The following MNT variants were observed in gnomAD, a reference collection of about 807,000 sequenced individuals.
MNT encodes the protein MAX network transcriptional repressor.
MNT carries 13 observed loss-of-function variants against 40.7 expected under a neutral mutation model. That is an observed-to-expected ratio of 0.32 (90% CI 0.21 to 0.51). The LOEUF (loss-of-function observed/expected upper bound fraction) is 0.51. Among genes scored for constraint, MNT ranks in the 20% least tolerant of loss-of-function variants. The probability of loss-of-function intolerance (pLI) is 0.98; values close to 1 mark genes in which losing one functional copy is unlikely to be tolerated. For synonymous variants in MNT, 426 were observed against 354.8 expected, an observed-to-expected ratio of 1.20 and a Z score of -2.26; for missense variants, 757 against 792.0, an observed-to-expected ratio of 0.96 and a Z score of 0.53.
rs1465001006 is a variant in MNT, at chr17:2,394,067, C to A, written c.783G>T (p.Leu261=). The change falls in exon 4 of 6, where the codon CTG becomes CTT. Residue 261 remains leucine, a synonymous_variant. Coordinates refer to ENST00000174618, the MANE Select transcript of MNT (RefSeq NM_020310.3). Reference sequence around the variant, plus strand: ...CCTGGATGTACCGCAGCGCCGTCCGCAGCACGCTCAGATTGGACGTCTTCT... The same window carrying A: ...CCTGGATGTACCGCAGCGCCGTCCGAAGCACGCTCAGATTGGACGTCTTCT... ...DDKKTSNLSV[L]RTALRYIQSL... 6.2e-7 allele frequency: 1 copy of A among 1,606,318 alleles called. No homozygotes were observed.
rs1034113744 is a variant in MNT, at chr17:2,395,345, C to T, written c.183G>A (p.Glu61=). 1.2e-6 allele frequency: 2 copies of T among 1,612,628 alleles called. No individual in the cohort carries two copies. Among genetic ancestry groups the T allele is most frequent in the Non-Finnish European group, 8.5e-7 (1 of 1,179,640 alleles). The change falls in exon 2 of 6, where the codon GAG becomes GAA. Residue 61 remains glutamate, a synonymous_variant. Transcript: ENST00000174618. ...HTLPVEEPRM[E]APPLPLSPPA... is the part of the protein sequence containing the mutation. ...GTGGAGACAGAGGCAGGGGTGGCGC[C>T]TCCATGCGGGGTTCCTCCACAGGAA...
At position 2,386,796 on chromosome 17, in the gene MNT, G is replaced by A; in HGVS notation, c.*105C>T. 8.1e-7 allele frequency: 1 copy of A among 1,241,736 alleles called. No homozygotes were observed. Among genetic ancestry groups the A allele is most frequent in the South Asian group, 1.8e-5 (1 of 56,064 alleles). 76.9% of individuals were successfully genotyped at this position (1,241,736 alleles called of 1,614,324 possible). A position where few individuals can be genotyped will look rare whatever the true frequency, so the allele number is the denominator to read the frequency against. The stretch of plus-strand genomic sequence containing the variant: ...CCTAGGAGGCCTGGGGGTGGGTGGG[G>A]GGGCTGGCCTGGGCCTGGCTGGAAT... On this transcript the variant is annotated 3_prime_UTR_variant, in exon 6 of 6. Transcript: ENST00000174618.
chr17:2,395,763 T>G lies in MNT; in HGVS notation c.74-309A>C, dbSNP rs2066573668. Among the ~76,000 whole-genome samples, 3 of 151,642 alleles carry G rather than the reference T, an allele frequency of 2.0e-5. No homozygotes were observed. In the South Asian group the frequency reaches 6.2e-4, roughly 32 times the overall value. On this transcript the variant is annotated intron_variant, in intron 1 of 5. Coordinates refer to ENST00000174618, the MANE Select transcript of MNT (RefSeq NM_020310.3). The stretch of plus-strand genomic sequence containing the variant: ...GCCCTGGAAAGGTGGAGCAGAGCTG[T>G]CAGAGGGTGCTGCAGGCCACCTGCC...
Position 2,386,632 on chromosome 17 carries a change from CGGCACTGGAGCT to C in MNT, c.*257_*268del, listed in dbSNP as rs2074749982. 2.4e-6 allele frequency: 1 copy of C among 415,566 alleles called. No homozygotes were observed. The highest frequency in any genetic ancestry group is 4.3e-6 in the Non-Finnish European group (1 of 234,262). The allele number at this position is 415,566 out of a possible 1,614,324, so 25.7% of individuals were successfully genotyped here. On this transcript the variant is annotated 3_prime_UTR_variant, in exon 6 of 6. Coordinates refer to ENST00000174618, the MANE Select transcript of MNT (RefSeq NM_020310.3). ...CGAGGGTAGGGAGGGGAAGCAGGAGCGGCACTGGAGCTGGCACTGGGCCGGACAGGTGGCACA... is the reference window on the plus strand; with the variant it reads ...CGAGGGTAGGGAGGGGAAGCAGGAGCGGCACTGGGCCGGACAGGTGGCACA...
intron 1 of MNT, among the ~76,000 whole-genome samples, chr17:2,398,633 T>TG (rs1216279389): frequency 6.6e-6 from 1 of 152,248 alleles, no homozygotes; most frequent in Admixed American, 6.5e-5. Flanking sequence ...CAAAGACCTC[T>TG]GACCGGCACA....
chr17:2,384,593 C>CGTGTGTGTGT lies in MNT; in HGVS notation c.*2307_*2308insACACACACAC. On this transcript the variant is annotated 3_prime_UTR_variant, in exon 6 of 6. Coordinates refer to ENST00000174618, the MANE Select transcript of MNT (RefSeq NM_020310.3). ...ATGAGAGGTAAGATGTGTGCGTGTG[C>CGTGTGTGTGT]GTGCGTGTGTGTGTGTGTGTGTGTG... The CGTGTGTGTGT allele has an allele frequency of 1.0e-5, 1 of 100,472 alleles. No homozygotes were observed. The highest frequency in any genetic ancestry group is 4.2e-4 in the South Asian group (1 of 2,368). 6.2% of individuals were successfully genotyped at this position (100,472 alleles called of 1,614,324 possible).
chr17:2,394,277 G>GCACACACACACACACACACACACA lies in MNT; in HGVS notation c.695+4_695+27dup, dbSNP rs35367394. The GCACACACACACACACACACACACA allele has an allele frequency of 1.1e-4, 165 of 1,489,262 alleles. 1 individual carries two copies. The African/African-American group carries it at 1.8e-3, about 16-fold the overall frequency. The allele number at this position is 1,489,262 out of a possible 1,614,324, so 92.3% of individuals were successfully genotyped here. A position where few individuals can be genotyped will look rare whatever the true frequency, so the allele number is the denominator to read the frequency against. On this transcript the variant is annotated intron_variant, in intron 3 of 5. Coordinates refer to ENST00000174618, the MANE Select transcript of MNT (RefSeq NM_020310.3). ...CCGGGTCGCGCGCGCACGCACGCAC[G>GCACACACACACACACACACACACA]CACACACACACACACACACACACAC... is the stretch of plus-strand genomic sequence containing the variant.
In MNT at chr17:2,386,599, C is replaced by T; in HGVS notation, c.*302G>A. 2.6e-6 allele frequency: 1 copy of T among 378,246 alleles called. No individual in the cohort carries two copies. The highest frequency in any genetic ancestry group is 7.5e-5 in the South Asian group (1 of 13,422). 23.4% of individuals were successfully genotyped at this position (378,246 alleles called of 1,614,324 possible). The stretch of plus-strand genomic sequence containing the variant: ...CAGGGAGCGTGACGTCCACATCGCA[C>T]TGATTTCCGAGGGTAGGGAGGGGAA... On this transcript the variant is annotated 3_prime_UTR_variant, in exon 6 of 6. Coordinates refer to ENST00000174618, the MANE Select transcript of MNT (RefSeq NM_020310.3).
Position 2,394,304 on chromosome 17 carries a change from C to CACA in MNT, c.695_695+1insTGT (p.Arg232delinsSerVal), listed in dbSNP as rs58552657. The CACA allele has an allele frequency of 3.1e-6, 5 of 1,610,426 alleles. No individual in the cohort carries two copies. Among genetic ancestry groups the CACA allele is most frequent in the East Asian group, 2.2e-5 (1 of 44,744 alleles). On this transcript the variant is annotated protein_altering_variant and splice_region_variant. Transcript: ENST00000174618. ...ACACACACACACACACACACACACACCTGTTCTTCTCCAATTTGTTGTGGA... is the reference window on the plus strand; with the variant it reads ...ACACACACACACACACACACACACACACACTGTTCTTCTCCAATTTGTTGTGGA...
At chr17:2,393,973 CGCGGCCGGGGGAGGG>C in intron 4 of MNT, 55 bp downstream of exon 4, 5 of 1,086,628 alleles carry the variant, frequency 4.6e-6, no homozygotes, top group Non-Finnish European at 6.3e-6. Flanking sequence ...CGGGGCGGGG[CGCGGCCGGGGGAGGG>C]GCGGCGGAGG....
At position 2,387,544 on chromosome 17, in the gene MNT, G is replaced by T; in HGVS notation, c.1106C>A (p.Pro369Gln). The T allele has an allele frequency of 6.2e-7, 1 of 1,613,852 alleles. No individual in the cohort carries two copies. Among genetic ancestry groups the T allele is most frequent in the Non-Finnish European group, 8.5e-7 (1 of 1,179,934 alleles). ...PQPELLKSTLPPPSTTPAPLP... is the reference protein window; with the variant it reads ...PQPELLKSTLQPPSTTPAPLP... ...AGGCGCAGGGGTGGTGCTGGGGGGT[G>T]GCAGGGTGGACTTCAGCAGCTCCGG... Residue 369 changes from proline to glutamine, a missense_variant, in exon 6 of 6, where the codon CCA becomes CAA. Around this residue, in one of 4 missense-constraint regions of MNT, gnomAD observed 345 missense variants for 380.1 expected, o/e 0.91. Coordinates refer to ENST00000174618, the MANE Select transcript of MNT (RefSeq NM_020310.3).
chr17:2,393,144 C>CA (rs1264580524), intron 4 of MNT, among the ~76,000 whole-genome samples: 4 of 150,578 alleles, frequency 2.7e-5, no homozygotes, highest in Non-Finnish European at 4.5e-5. Flanking sequence ...CGCCCACCCC[C>CA]CCCCCAACGC....
intron 1 of MNT, among the ~76,000 whole-genome samples, chr17:2,397,125 A>AG (rs1158192294): frequency 6.6e-6 from 1 of 152,206 alleles, no homozygotes; most frequent in East Asian, 1.9e-4. Context: ...GGGCTGGGCC[A>AG]GCCAGCGGGC....
chr17:2,396,545 G>A (rs1404989667), intron 1 of MNT: 1 of 152,304 alleles, frequency 6.6e-6, no homozygotes, highest in Non-Finnish European at 1.5e-5. Context: ...AATGGGGGCT[G>A]AGCAGGGCAG....
chr17:2,395,220 G>T lies in MNT; in HGVS notation c.308C>A (p.Pro103Gln). ...VVTNSPQPLPPPPPLPAAAQP... is the reference protein window; with the variant it reads ...VVTNSPQPLPQPPPLPAAAQP... ...GGCTGCCGCGGGCAAGGGTGGGGGT[G>T]GGGGTAGAGGCTGAGGGGAGTTGGT... The change falls in exon 2 of 6, where the codon CCA becomes CAA. Residue 103 changes from proline to glutamine, a missense_variant. By Grantham distance (76) the Pro-to-Gln change is moderately conservative (BLOSUM62 -1). Around this residue, in one of 4 missense-constraint regions of MNT, gnomAD observed 335 missense variants for 291.4 expected, o/e 1.15. Transcript: ENST00000174618. 1 of 1,475,562 alleles carries T rather than the reference G, an allele frequency of 6.8e-7. No homozygotes were observed. Among genetic ancestry groups the T allele is most frequent in the East Asian group, 2.4e-5 (1 of 41,926 alleles). The allele number at this position is 1,475,562 out of a possible 1,614,324, so 91.4% of individuals were successfully genotyped here.
chr17:2,394,933 G>A lies in MNT; in HGVS notation c.595C>T (p.Leu199=). The change falls in exon 2 of 6, where the codon CTG becomes TTG. Residue 199 remains leucine (L), a synonymous_variant. Coordinates refer to ENST00000174618, the MANE Select transcript of MNT (RefSeq NM_020310.3). ...QQPPPPTLGT[L]KLAPAEEVKS... ...ACTTCTTCAGCTGGTGCCAACTTCA[G>A]GGTCCCCAGCGTGGGTGGGGGCGGC... The A allele has an allele frequency of 6.2e-7, 1 of 1,607,586 alleles. No homozygotes were observed.
At chr17:2,393,173 C>T (rs1245364495) in intron 4 of MNT, among the ~76,000 whole-genome samples, 2 of 150,274 alleles carry the variant, frequency 1.3e-5, no homozygotes, top group Non-Finnish European at 3.0e-5. Flanking sequence ...AGCCCCACGT[C>T]CCTCCATCCC....
Position 2,387,209 on chromosome 17 carries a change from G to C in MNT, c.1441C>G (p.Leu481Val). ...CCAATGGGGGGTGTGGCAGGCGCCA[G>C]TTGCACCGCAGGGCTGGGGGCCGAG... Reference protein sequence around the residue: ...APSAPSPAVQLAPATPPIGHI... With the variant: ...APSAPSPAVQVAPATPPIGHI... The change falls in exon 6 of 6, where the codon CTG (leucine) becomes GTG (valine). Residue 481 changes from leucine (L) to valine (V), a missense_variant. Coordinates refer to ENST00000174618, the MANE Select transcript of MNT (RefSeq NM_020310.3). The C allele has an allele frequency of 6.2e-7, 1 of 1,609,134 alleles. No individual in the cohort carries two copies. Among genetic ancestry groups the C allele is most frequent in the Non-Finnish European group, 8.5e-7 (1 of 1,178,438 alleles).
intron 1 of MNT, among the ~76,000 whole-genome samples, chr17:2,398,084 C>A (rs1174281121): frequency 6.6e-6 from 1 of 152,272 alleles, no homozygotes; most frequent in Non-Finnish European, 1.5e-5. Flanking sequence ...TGGGCCCCAG[C>A]AGCCACAGGA....
Sources: gnomAD v4.1 joint callset for allele counts (sites outside exome capture counted in the v4.1 genomes callset) on GRCh38, gnomAD v4.1.1 for gene constraint, gnomAD v4.1.1 regional missense constraint, MANE v1.5 for transcripts, NCBI Gene and HGNC (gene_info 2026-07-23, HGNC 2026-07-21) for gene names.